HTT: variants seen among roughly 807,000 people sequenced by gnomAD.
HTT encodes the protein huntingtin.
In HTT, 104 loss-of-function variants were observed where a neutral mutation model predicts 362.3. That is an observed-to-expected ratio of 0.29 (90% confidence interval 0.24 to 0.34). HTT has a LOEUF of 0.34. Among genes scored for constraint, HTT ranks in the 10% least tolerant of loss-of-function variants. The probability of loss-of-function intolerance (pLI) is 1.00; values close to 1 mark genes in which losing one functional copy is unlikely to be tolerated. For missense variants in HTT, 3,301 were observed against 3,928.6 expected, an observed-to-expected ratio of 0.84 and a Z score of 4.27; for synonymous variants, 1,577 against 1,548.7, an observed-to-expected ratio of 1.02 and a Z score of -0.43.
intron 40 of HTT, among the ~76,000 whole-genome samples, chr4:3,195,946 C>T (rs2110257759): frequency 6.6e-6 from 1 of 152,286 alleles, no homozygotes; most frequent in African/African-American, 2.4e-5. Context: ...CAGCCCCACC[C>T]TGTAAAAGGG....
intron 1 of HTT, among the ~76,000 whole-genome samples, chr4:3,077,205 T>C (rs1181652617): frequency 6.6e-6 from 1 of 151,982 alleles, no homozygotes; most frequent in African/African-American, 2.4e-5. Context: ...ATGTATTATT[T>C]TTGCATAAGT....
At position 3,136,118 on chromosome 4, in the gene HTT, T is replaced by A. The variant is rs187980827; in HGVS notation, c.2698-108T>A. 131 of 902,728 alleles carry A rather than the reference T, an allele frequency of 1.5e-4. 1 individual carries two copies. In the African/African-American group the frequency reaches 1.9e-3, roughly 13 times the overall value. The allele number at this position is 902,728 out of a possible 1,614,324, so 55.9% of individuals were successfully genotyped here. On this transcript the variant is annotated intron_variant, in intron 20 of 66. Coordinates refer to ENST00000355072, the MANE Select transcript of HTT (RefSeq NM_001388492.1). ...AAAGTTATAATCTTGTCATATGGATTTAAGTCTAGTAATGTTGAGTTCTTT... is the reference window on the plus strand; with the variant it reads ...AAAGTTATAATCTTGTCATATGGATATAAGTCTAGTAATGTTGAGTTCTTT...
At position 3,199,191 on chromosome 4, in the gene HTT, T is replaced by C. The variant is rs577777322; in HGVS notation, c.5369-541T>C. Among the ~76,000 whole-genome samples, 7 of 152,284 alleles carry C rather than the reference T, an allele frequency of 4.6e-5. No homozygotes were observed. In the East Asian group the frequency reaches 7.7e-4, roughly 17 times the overall value. On this transcript the variant is annotated intron_variant, in intron 40 of 66. Coordinates refer to ENST00000355072, the MANE Select transcript of HTT (RefSeq NM_001388492.1). ...TGGAGGGCTTGGCATTGCCGACCAA[T>C]GTGGAGGTCGACAGTGAGAGAGGAG... is the stretch of plus-strand genomic sequence containing the variant.
At chr4:3,137,502 C>T (rs1716124277) in intron 21 of HTT, among the ~76,000 whole-genome samples, 1 of 152,048 alleles carries the variant, frequency 6.6e-6, no homozygotes, top group African/African-American at 2.4e-5. Context: ...AGTTCGAGAC[C>T]AGCCTGGCCA....
intron 1 of HTT, among the ~76,000 whole-genome samples, chr4:3,080,615 G>GT (rs1420380878): frequency 1.3e-5 from 2 of 152,162 alleles, no homozygotes; most frequent in African/African-American, 4.8e-5. Context: ...ATGAAGTCGA[G>GT]TTTATCTATT....
In HTT at chr4:3,223,824, G is replaced by C. The variant is rs140566220; in HGVS notation, c.7626-168G>C. Among the ~76,000 whole-genome samples the C allele has an allele frequency of 7.2e-5, 11 of 152,352 alleles. No homozygotes were observed. The East Asian group carries it at 2.1e-3, about 29-fold the overall frequency. ...CAGAGCAGGAATGAGCAGGCAACTA[G>C]TAGAACACCCACTTAAGGGCTCACG... On this transcript the variant is annotated intron_variant, in intron 55 of 66. Coordinates refer to ENST00000355072, the MANE Select transcript of HTT (RefSeq NM_001388492.1).
chr4:3,228,821 C>T lies in HTT; in HGVS notation c.7980-59C>T. ...GTCATTTGATTTGTTTGAGGTGCTT[C>T]TTGAAATGAGCCTCTCATCTCATGT... On this transcript the variant is annotated intron_variant, in intron 58 of 66. Transcript: ENST00000355072. The surrounding 1 kb of genome is among the most constrained non-coding windows in gnomAD (Gnocchi z 4.3). 3 of 1,581,372 alleles carry T rather than the reference C, an allele frequency of 1.9e-6. No homozygotes were observed. Among genetic ancestry groups the T allele is most frequent in the Admixed American group, 1.7e-5 (1 of 57,622 alleles).
intron 1 of HTT, among the ~76,000 whole-genome samples, chr4:3,077,742 T>A (rs1284155855): frequency 1.3e-5 from 2 of 152,220 alleles, no homozygotes; most frequent in African/African-American, 4.8e-5. Context: ...TAAAGGTTCT[T>A]AGCATGCTCT....
chr4:3,178,356 C>T lies in HTT; in HGVS notation c.4522C>T (p.Arg1508Cys), dbSNP rs572039089. 82 of 1,610,024 alleles carry T rather than the reference C, an allele frequency of 5.1e-5. 2 individuals carry two copies. The South Asian group carries it at 7.8e-4, about 15-fold the overall frequency. ...FFFLVLLSYE[R>C]YHSKQIIGIP... ...CTTCTTGGTATTACTATCTTATGAA[C>T]GCTATCATTCAAAACAGATCATTGG... The change falls in exon 35 of 67, where the codon CGC (arginine) becomes TGC (cysteine). Residue 1508 changes from arginine to cysteine, a missense_variant. Arg to Cys is a radical substitution (Grantham distance 180). This residue lies in a region of HTT where 2,316 missense variants were observed against 2,658.5 expected (regional missense o/e 0.87). Transcript: ENST00000355072.
intron 31 of HTT, chr4:3,173,367 A>G: frequency 1.8e-6 from 1 of 540,640 alleles, no homozygotes; most frequent in Admixed American, 3.1e-5. Flanking sequence ...CACATCTCAG[A>G]GGTGGGGGTA....
At chr4:3,140,438 G>A (rs1578530832) in intron 21 of HTT, 72 bp from the exon 22 acceptor site, 1 of 1,371,726 alleles carries the variant, frequency 7.3e-7, no homozygotes. Flanking sequence ...GCCATCTGCA[G>A]GGAGGAGGGT....
At chr4:3,176,902 G>A (rs1465779724) in intron 33 of HTT, among the ~76,000 whole-genome samples, 2 of 152,202 alleles carry the variant, frequency 1.3e-5, no homozygotes, top group East Asian at 3.8e-4. Flanking sequence ...GGAATACAGT[G>A]TGACACAAAA....
chr4:3,078,183 C>T (rs994482173), intron 1 of HTT, among the ~76,000 whole-genome samples: 2 of 152,188 alleles, frequency 1.3e-5, no homozygotes, highest in Non-Finnish European at 2.9e-5. Flanking sequence ...CTGGCAGTTT[C>T]TTATTCTCCT....
intron 46 of HTT, 55 bp downstream of exon 46, chr4:3,208,966 C>T (rs1253160664): frequency 1.3e-6 from 2 of 1,548,364 alleles, no homozygotes; most frequent in Non-Finnish European, 1.7e-6. Flanking sequence ...GCCTCTGTCA[C>T]CTGTGGCAGA....
chr4:3,234,771 T>A (rs1257438867), intron 61 of HTT, among the ~76,000 whole-genome samples: 1 of 151,928 alleles, frequency 6.6e-6, no homozygotes, highest in Non-Finnish European at 1.5e-5. Flanking sequence ...TTTTTGTGGG[T>A]GTTGGGGGGC....
chr4:3,160,221 T>C (rs966741126), intron 28 of HTT, 61 bp from the exon 29 acceptor site: 1 of 1,092,998 alleles, frequency 9.1e-7, no homozygotes, highest in African/African-American at 1.5e-5. Flanking sequence ...TGTCTTTGGT[T>C]GTACATTATG....
chr4:3,127,551 A>G lies in HTT; in HGVS notation c.1690A>G (p.Thr564Ala). Residue 564 changes from threonine to alanine, a missense_variant, in exon 12 of 67, where the codon ACC becomes GCC. This residue lies in a region of HTT where 2,316 missense variants were observed against 2,658.5 expected (regional missense o/e 0.87). Transcript: ENST00000355072. ...ASSPISDSSQ[T>A]TTEGPDSAVT... Reference sequence around the variant, plus strand: ...GTCGCCCATCAGCGACAGCTCCCAGACCACCACCGAAGGGCCTGATTCAGC... The same window carrying G: ...GTCGCCCATCAGCGACAGCTCCCAGGCCACCACCGAAGGGCCTGATTCAGC... 6.2e-7 allele frequency: 1 copy of G among 1,614,054 alleles called. No individual in the cohort carries two copies. The highest frequency in any genetic ancestry group is 8.5e-7 in the Non-Finnish European group (1 of 1,179,954).
At chr4:3,229,065 G>A (rs1207172500) in intron 59 of HTT, 56 bp downstream of exon 59, 62 of 1,540,020 alleles carry the variant, frequency 4.0e-5, no homozygotes, top group Non-Finnish European at 4.6e-5. Context: ...CACCACACAC[G>A]CCACACACCC....
intron 1 of HTT, among the ~76,000 whole-genome samples, chr4:3,079,189 C>T (rs1448516176): frequency 6.6e-6 from 1 of 151,962 alleles, no homozygotes; most frequent in African/African-American, 2.4e-5. Context: ...AGCCACCATA[C>T]CTGGCCAGTG....
Sources: allele counts gnomAD v4.1 joint callset (sites outside exome capture counted in the v4.1 genomes callset), GRCh38; gene constraint gnomAD v4.1.1; regional missense constraint gnomAD v4.1.1; non-coding constraint Gnocchi (gnomAD v3.1); transcripts MANE v1.5; gene names NCBI Gene and HGNC (gene_info 2026-07-23, HGNC 2026-07-21).